The following MTARC2 variants were observed in gnomAD, a reference collection of about 807,000 sequenced individuals.
MTARC2 encodes the protein MOCO sulphurase C-terminal domain containing 2.
In MTARC2, 27 loss-of-function variants were observed where a neutral mutation model predicts 35.6. That is an observed-to-expected ratio of 0.76 (90% CI 0.56 to 1.04). MTARC2 has a LOEUF of 1.04. Among genes scored for constraint, MTARC2 ranks in the 50% least tolerant of loss-of-function variants. The pLI is 0.00. For synonymous variants in MTARC2, 158 were observed against 167.1 expected (o/e 0.95, Z 0.42); for missense variants, 412 against 432.5 (o/e 0.95, Z 0.42).
At chr1:220,757,197 C>T (rs1176261307) in intron 2 of MTARC2, among the ~76,000 whole-genome samples, 2 of 152,242 alleles carry the variant, frequency 1.3e-5, no homozygotes, top group African/African-American at 2.4e-5. Context: ...CCACCGTGCT[C>T]AGCCTGAAGC....
At chr1:220,752,610 G>A (rs937025837) in intron 1 of MTARC2, among the ~76,000 whole-genome samples, 2 of 152,196 alleles carry the variant, frequency 1.3e-5, no homozygotes, top group South Asian at 4.1e-4. Context: ...GGGAGGCCAA[G>A]GAGGGAGGAT....
intron 4 of MTARC2, among the ~76,000 whole-genome samples, chr1:220,775,426 G>T (rs937643897): frequency 2.0e-5 from 3 of 152,216 alleles, no homozygotes; most frequent in African/African-American, 4.8e-5. Flanking sequence ...CTGCGGAAAG[G>T]TTGATTACCA....
intron 4 of MTARC2, among the ~76,000 whole-genome samples, chr1:220,777,356 T>C (rs1671945506): frequency 6.6e-6 from 1 of 151,378 alleles, no homozygotes; most frequent in African/African-American, 2.4e-5. Flanking sequence ...CGGGAGGGGG[T>C]TGGAGGGGCT....
At chr1:220,752,743 A>G (rs391315) in intron 1 of MTARC2, among the ~76,000 whole-genome samples, 52,068 of 151,888 alleles carry the variant, frequency 0.34, 11,256 homozygotes, top group East Asian at 0.7. Context: ...GCTACTCAGG[A>G]GACTGAGGCA....
At chr1:220,750,593 G>A (rs1252139311) in intron 1 of MTARC2, among the ~76,000 whole-genome samples, 1 of 152,176 alleles carries the variant, frequency 6.6e-6, no homozygotes, top group African/African-American at 2.4e-5. Flanking sequence ...AGGATGGGGT[G>A]GGGTGATGTG....
chr1:220,776,337 C>T (rs973935162), intron 4 of MTARC2, among the ~76,000 whole-genome samples: 2 of 152,090 alleles, frequency 1.3e-5, no homozygotes, highest in African/African-American at 4.8e-5. Flanking sequence ...TGAGAAGACA[C>T]TGGAACTTGC....
intron 5 of MTARC2, 39 bp downstream of exon 5, chr1:220,780,118 C>T (rs373867741): frequency 5.6e-6 from 9 of 1,605,400 alleles, no homozygotes; most frequent in Non-Finnish European, 6.8e-6. Flanking sequence ...GTGGTGTGGC[C>T]CATTCATTGG....
At chr1:220,773,423 A>G (rs1056691508) in intron 4 of MTARC2, among the ~76,000 whole-genome samples, 7 of 152,174 alleles carry the variant, frequency 4.6e-5, no homozygotes, top group African/African-American at 1.4e-4. Flanking sequence ...TGCGTCCTTT[A>G]TAATAAGTCA....
intron 1 of MTARC2, among the ~76,000 whole-genome samples, chr1:220,749,466 C>G (rs916448308): frequency 1.4e-5 from 2 of 142,326 alleles, no homozygotes; most frequent in South Asian, 2.2e-4. Context: ...AATCTCACTT[C>G]GTAGCTCAGG....
chr1:220,774,070 CGTT>C (rs1671822460), intron 4 of MTARC2, among the ~76,000 whole-genome samples: 1 of 143,958 alleles, frequency 6.9e-6, no homozygotes, highest in South Asian at 2.3e-4. Flanking sequence ...CTCACATCCT[CGTT>C]TTTTTTTTTT....
intron 2 of MTARC2, among the ~76,000 whole-genome samples, chr1:220,758,515 G>A (rs148235349): frequency 0.055 from 8,306 of 151,534 alleles, 322 homozygotes; most frequent in Non-Finnish European, 0.086. Flanking sequence ...CATCTCCCAG[G>A]CTCAAGTGAT....
chr1:220,757,641 T>C (rs980047857), intron 2 of MTARC2, among the ~76,000 whole-genome samples: 2 of 152,180 alleles, frequency 1.3e-5, no homozygotes. Context: ...TCACATGACC[T>C]TCCCTGGTGC....
At chr1:220,758,152 T>G (rs1463924962) in intron 2 of MTARC2, among the ~76,000 whole-genome samples, 10 of 151,558 alleles carry the variant, frequency 6.6e-5, no homozygotes, top group Admixed American at 2.6e-4. Context: ...GCCCAGCTAA[T>G]TTTTGTATTT....
chr1:220,769,932 T>TAAAAAAAAAA (rs1553254311), intron 4 of MTARC2, among the ~76,000 whole-genome samples: 2 of 23,534 alleles, frequency 8.5e-5, no homozygotes, highest in African/African-American at 2.2e-4. Context: ...CTACTAAAAA[T>TAAAAAAAAAA]ACAAAAAAAA....
intron 1 of MTARC2, chr1:220,754,482 C>T (rs1452663576): frequency 2.2e-6 from 1 of 455,182 alleles, no homozygotes; most frequent in Non-Finnish European, 4.4e-6. Context: ...GAGGCAGCAA[C>T]ATTGCAAGAC....
chr1:220,783,582 TGGA>T (rs1672140138), intron 7 of MTARC2, among the ~76,000 whole-genome samples: 1 of 152,260 alleles, frequency 6.6e-6, no homozygotes, highest in African/African-American at 2.4e-5. Context: ...TTGCAGTGGA[TGGA>T]GGCAACAAAC....
intron 4 of MTARC2, among the ~76,000 whole-genome samples, chr1:220,777,424 A>G (rs1031185181): frequency 6.6e-6 from 1 of 152,110 alleles, no homozygotes; most frequent in African/African-American, 2.4e-5. Context: ...GAGGGAGAAA[A>G]GTTATGGGGC....
intron 4 of MTARC2, among the ~76,000 whole-genome samples, chr1:220,775,065 A>AT (rs112146837): frequency 5.9e-5 from 9 of 151,868 alleles, no homozygotes; most frequent in African/African-American, 2.2e-4. Context: ...CATACATCCA[A>AT]TTTTTTTGCT....
At chr1:220,763,968 G>A (rs1283854308) in intron 4 of MTARC2, among the ~76,000 whole-genome samples, 2 of 152,172 alleles carry the variant, frequency 1.3e-5, no homozygotes, top group Non-Finnish European at 2.9e-5. Context: ...TAGAGCTGGG[G>A]TGACAATTCC....
Sources: gnomAD v4.1 joint callset for allele counts (sites outside exome capture counted in the v4.1 genomes callset) on GRCh38, gnomAD v4.1.1 for gene constraint, MANE v1.5 for transcripts, NCBI Gene and HGNC (gene_info 2026-07-23, HGNC 2026-07-21) for gene names.